UBE2E2: variants seen among roughly 807,000 people sequenced by gnomAD.
UBE2E2 encodes the protein ubiquitin-conjugating enzyme E2 E2.
UBE2E2 carries 6 observed loss-of-function variants against 24.7 expected under a neutral mutation model. That is an observed-to-expected ratio of 0.24 (90% CI 0.13 to 0.48). UBE2E2 has a LOEUF of 0.48. UBE2E2 is among the 20% of genes least tolerant of loss of function. The pLI is 0.99. For missense variants in UBE2E2, 169 were observed against 245.0 expected, an observed-to-expected ratio of 0.69 and a Z score of 2.07; for synonymous variants, 104 against 83.6, an observed-to-expected ratio of 1.24 and a Z score of -1.33.
At chr3:23,225,346 G>A (rs189839425) in intron 3 of UBE2E2, among the ~76,000 whole-genome samples, 3 of 151,670 alleles carry the variant, frequency 2.0e-5, no homozygotes, top group Admixed American at 2.0e-4. Context: ...TGTGCATTTG[G>A]TGTCATATCT....
At chr3:23,316,764 C>T (rs933175551) in intron 3 of UBE2E2, among the ~76,000 whole-genome samples, 4 of 152,052 alleles carry the variant, frequency 2.6e-5, no homozygotes, top group African/African-American at 9.7e-5. Context: ...GCATGTACTA[C>T]CTTGGCTACT....
chr3:23,429,580 A>G (rs978886309), intron 3 of UBE2E2, among the ~76,000 whole-genome samples: 4 of 152,322 alleles, frequency 2.6e-5, no homozygotes, highest in East Asian at 3.9e-4. Flanking sequence ...TTCAACACCT[A>G]TTCATGATAA....
At chr3:23,509,938 T>A (rs1167744375) in intron 4 of UBE2E2, among the ~76,000 whole-genome samples, 1 of 152,132 alleles carries the variant, frequency 6.6e-6, no homozygotes, top group Non-Finnish European at 1.5e-5. Context: ...TAGTATTCCA[T>A]GGTGTATATG....
chr3:23,510,546 G>A (rs1694572296), intron 4 of UBE2E2, among the ~76,000 whole-genome samples: 1 of 152,034 alleles, frequency 6.6e-6, no homozygotes, highest in Non-Finnish European at 1.5e-5. Flanking sequence ...GGTGGAGGCT[G>A]CAGTAAATTG....
intron 3 of UBE2E2, among the ~76,000 whole-genome samples, chr3:23,300,462 C>T (rs1699042658): frequency 6.6e-6 from 1 of 152,088 alleles, no homozygotes; most frequent in South Asian, 2.1e-4. Context: ...TTCAGGAGCT[C>T]TTTTAGGGCA....
At chr3:23,482,533 C>T (rs909838583) in intron 3 of UBE2E2, among the ~76,000 whole-genome samples, 2 of 152,084 alleles carry the variant, frequency 1.3e-5, no homozygotes, top group Admixed American at 6.5e-5. Context: ...ATGCTGCCCA[C>T]GCTGTTCTTG....
At chr3:23,536,164 GT>G (rs1695258619) in intron 5 of UBE2E2, among the ~76,000 whole-genome samples, 1 of 152,090 alleles carries the variant, frequency 6.6e-6, no homozygotes, top group Non-Finnish European at 1.5e-5. Flanking sequence ...ACTCTTAGAT[GT>G]TTGGTAATAT....
At chr3:23,288,801 A>G (rs921851591) in intron 3 of UBE2E2, among the ~76,000 whole-genome samples, 1 of 152,180 alleles carries the variant, frequency 6.6e-6, no homozygotes, top group Non-Finnish European at 1.5e-5. Flanking sequence ...GCAATTTGAC[A>G]CTTCATAACG....
At chr3:23,476,734 G>T (rs1247191270) in intron 3 of UBE2E2, among the ~76,000 whole-genome samples, 1 of 151,998 alleles carries the variant, frequency 6.6e-6, no homozygotes, top group Non-Finnish European at 1.5e-5. Flanking sequence ...CAATCTAAAT[G>T]GTTTGATTTT....
intron 3 of UBE2E2, among the ~76,000 whole-genome samples, chr3:23,409,520 A>G (rs557121561): frequency 6.6e-5 from 10 of 152,066 alleles, no homozygotes; most frequent in South Asian, 2.1e-4. Context: ...TACCCCATAT[A>G]TTTCCCCTGT....
At chr3:23,269,992 T>A (rs939325935) in intron 3 of UBE2E2, among the ~76,000 whole-genome samples, 5 of 152,072 alleles carry the variant, frequency 3.3e-5, no homozygotes, top group Admixed American at 3.3e-4. Context: ...TAGAGTCCCT[T>A]CTGTATAACT....
chr3:23,261,033 G>A (rs1366840374), intron 3 of UBE2E2, among the ~76,000 whole-genome samples: 2 of 152,112 alleles, frequency 1.3e-5, no homozygotes, highest in Non-Finnish European at 2.9e-5. Flanking sequence ...AGCCCAGGAG[G>A]CCAAGGTTGC....
intron 3 of UBE2E2, among the ~76,000 whole-genome samples, chr3:23,295,477 A>G (rs903518): frequency 0.34 from 52,279 of 152,050 alleles, 9,230 homozygotes; most frequent in South Asian, 0.38. Flanking sequence ...AAGAGAACAG[A>G]TCTCTGTCCA....
intron 3 of UBE2E2, among the ~76,000 whole-genome samples, chr3:23,376,035 C>G (rs1696514021): frequency 6.6e-6 from 1 of 151,998 alleles, no homozygotes; most frequent in South Asian, 2.1e-4. Context: ...ATACATAATC[C>G]AAACAATTTT....
chr3:23,503,941 T>C (rs1694367989), intron 4 of UBE2E2, among the ~76,000 whole-genome samples: 1 of 152,212 alleles, frequency 6.6e-6, no homozygotes, highest in African/African-American at 2.4e-5. Flanking sequence ...AGTATTTTAA[T>C]GTTATTCATT....
chr3:23,497,036 T>C (rs1222931183), intron 3 of UBE2E2, among the ~76,000 whole-genome samples: 2 of 152,194 alleles, frequency 1.3e-5, no homozygotes, highest in Non-Finnish European at 2.9e-5. Context: ...AAAGAAAATA[T>C]TAAGAAAGTC....
At position 23,532,891 on chromosome 3, in the gene UBE2E2, A is replaced by G. The variant is rs573720518; in HGVS notation, c.508+190A>G. Among the ~76,000 whole-genome samples, 3 of 152,274 alleles carry G rather than the reference A, an allele frequency of 2.0e-5. No homozygotes were observed. In the East Asian group the frequency reaches 5.8e-4, roughly 29 times the overall value. Reference sequence around the variant, plus strand: ...CTCATTAGTGTTTTTAAGACCTATCATTTGCCAAAAAGGAAAAAGTATAGT... The same window carrying G: ...CTCATTAGTGTTTTTAAGACCTATCGTTTGCCAAAAAGGAAAAAGTATAGT... On this transcript the variant is annotated intron_variant, in intron 5 of 5. Transcript: ENST00000396703.
intron 5 of UBE2E2, among the ~76,000 whole-genome samples, chr3:23,560,336 A>T (rs1431183506): frequency 6.6e-6 from 1 of 151,068 alleles, no homozygotes; most frequent in East Asian, 2.0e-4. Context: ...CTGTCCTTGC[A>T]ATAGTTTGCT....
At chr3:23,238,509 G>A (rs1697176616) in intron 3 of UBE2E2, among the ~76,000 whole-genome samples, 1 of 152,236 alleles carries the variant, frequency 6.6e-6, no homozygotes, top group South Asian at 2.1e-4. Flanking sequence ...AGTTAGGTTG[G>A]GTGGGATTTT....
Sources: allele counts gnomAD v4.1 joint callset (sites outside exome capture counted in the v4.1 genomes callset), GRCh38; gene constraint gnomAD v4.1.1; transcripts MANE v1.5; gene names NCBI Gene and HGNC (gene_info 2026-07-23, HGNC 2026-07-21).